HYDIN: variants seen among roughly 807,000 people sequenced by gnomAD.
HYDIN encodes HYDIN axonemal central pair apparatus protein.
A neutral mutation model predicts 403.9 loss-of-function variants in HYDIN; 132 were observed. The observed-to-expected ratio is 0.33, with a 90% CI of 0.28 to 0.38. The LOEUF (loss-of-function observed/expected upper bound fraction) is 0.38, where lower values mean the gene tolerates loss of function less well. HYDIN is among the 10% of genes least tolerant of loss of function. HYDIN has a pLI of 1.00. For missense variants in HYDIN, 2,827 were observed against 5,009.5 expected (o/e 0.56, Z 13.15); for synonymous variants, 1,202 against 1,891.7 (o/e 0.64, Z 9.46).
chr16:70,943,397 A>C (rs1264080937), intron 42 of HYDIN, among the ~76,000 whole-genome samples: 3 of 152,190 alleles, frequency 2.0e-5, no homozygotes, highest in African/African-American at 7.2e-5. Flanking sequence ...TGTAGTATAC[A>C]TTTCTAAATA....
intron 30 of HYDIN, among the ~76,000 whole-genome samples, chr16:70,978,458 T>C (rs1377360773): frequency 9.9e-5 from 15 of 150,876 alleles, no homozygotes; most frequent in Non-Finnish European, 2.2e-4. Context: ...CTTCCCAAAG[T>C]ACTGGGATTA....
chr16:70,862,128 C>A lies in HYDIN; in HGVS notation c.11697G>T (p.Val3899=). ...PFSVEPSSGI[V]PVGKIQKFKV... ...TGAACTTCTGAATCTTCCCCACCGG[C>A]ACGATTCCCGAAGAGGGCTCCACAG... is the stretch of plus-strand genomic sequence containing the variant. Residue 3899 remains valine (V), a synonymous_variant, in exon 69 of 86, where the codon GTG becomes GTT. Transcript: ENST00000393567. 6.2e-7 allele frequency: 1 copy of A among 1,612,110 alleles called. No individual in the cohort carries two copies. The highest frequency in any genetic ancestry group is 8.5e-7 in the Non-Finnish European group (1 of 1,179,202).
At chr16:71,133,964 C>T (rs2084813560) in intron 8 of HYDIN, among the ~76,000 whole-genome samples, 1 of 152,038 alleles carries the variant, frequency 6.6e-6, no homozygotes, top group South Asian at 2.1e-4. Flanking sequence ...ACGTCATTGC[C>T]CAAGTGTGTA....
chr16:70,833,187 C>T (rs2037135947), intron 79 of HYDIN, 120 bp from the exon 80 acceptor site: 1 of 839,072 alleles, frequency 1.2e-6, no homozygotes, highest in South Asian at 1.8e-5. Flanking sequence ...TCTATCCTAG[C>T]ACCTAGGAGG....
intron 12 of HYDIN, among the ~76,000 whole-genome samples, chr16:71,081,331 G>T (rs1056956358): frequency 1.3e-5 from 2 of 151,058 alleles, no homozygotes; most frequent in Non-Finnish European, 3.0e-5. Flanking sequence ...CAAGTTTCAG[G>T]TCTAACTTTC....
chr16:70,994,602 T>G (rs1215697614), intron 23 of HYDIN, among the ~76,000 whole-genome samples: 6 of 146,066 alleles, frequency 4.1e-5, no homozygotes, highest in African/African-American at 1.0e-4. Context: ...AAATAAAGAT[T>G]CCTGAACCTT....
Position 70,807,741 on chromosome 16 carries a change from C to T in HYDIN, c.15205G>A (p.Val5069Met). 2 of 1,614,164 alleles carry T rather than the reference C, an allele frequency of 1.2e-6. No individual in the cohort carries two copies. The highest frequency in any genetic ancestry group is 1.7e-6 in the Non-Finnish European group (2 of 1,180,036). Residue 5069 changes from valine to methionine, a missense_variant, in exon 86 of 86, where the codon GTG (valine) becomes ATG (methionine). Physicochemically the swap from Val to Met is conservative, Grantham distance 21. Coordinates refer to ENST00000393567, the MANE Select transcript of HYDIN (RefSeq NM_001270974.2). ...ATGTTGTTGATCTTCTTGGGCCGCA[C>T]AGACTCTCCAGCGCGAATGGTGAAG... ...PAFTIRAGES[V>M]RPKKINNITV...
chr16:70,821,774 C>T (rs2036280421), intron 83 of HYDIN, among the ~76,000 whole-genome samples: 1 of 151,732 alleles, frequency 6.6e-6, no homozygotes, highest in African/African-American at 2.4e-5. Flanking sequence ...ATCTTAAGGC[C>T]TTTAAGAATT....
chr16:71,077,752 T>C (rs544006229), intron 13 of HYDIN, among the ~76,000 whole-genome samples: 3 of 151,672 alleles, frequency 2.0e-5, no homozygotes, highest in Non-Finnish European at 4.4e-5. Context: ...GTCTAGAACA[T>C]AGCTAAACTA....
intron 75 of HYDIN, among the ~76,000 whole-genome samples, chr16:70,849,510 T>C (rs1360136049): frequency 6.6e-6 from 1 of 152,194 alleles, no homozygotes; most frequent in African/African-American, 2.4e-5. Flanking sequence ...GGTGAATGTA[T>C]TACAATATAA....
Position 70,809,871 on chromosome 16 carries a change from A to C in HYDIN, c.14795T>G (p.Val4932Gly), listed in dbSNP as rs374534223. The stretch of plus-strand genomic sequence containing the variant: ...GCTGCCAAGGACAGTCTGGAAGTGA[A>C]CAGGCTTTTCCGGAAGTGCTGGCGT... ...KATPALPEKPVHFQTVLGSSQ... is the reference protein window; with the variant it reads ...KATPALPEKPGHFQTVLGSSQ... Residue 4932 changes from valine (V) to glycine (G), a missense_variant, in exon 85 of 86, where the codon GTT becomes GGT. By Grantham distance (109) the Val-to-Gly change is moderately radical. Coordinates refer to ENST00000393567, the MANE Select transcript of HYDIN (RefSeq NM_001270974.2). The C allele has an allele frequency of 6.2e-7, 1 of 1,614,038 alleles. No homozygotes were observed. Among genetic ancestry groups the C allele is most frequent in the Non-Finnish European group, 8.5e-7 (1 of 1,180,024 alleles).
At chr16:71,187,112 G>A (rs574147753) in intron 1 of HYDIN, among the ~76,000 whole-genome samples, 194 bp from the exon 2 acceptor site, 1 of 151,938 alleles carries the variant, frequency 6.6e-6, no homozygotes, top group South Asian at 2.1e-4. Flanking sequence ...CCAAGATCTA[G>A]AATCTATTTT....
At chr16:70,902,821 A>ATATATATTTTTTTTTTTTTTTTTTTTTTT in intron 52 of HYDIN, among the ~76,000 whole-genome samples, 1 of 47,310 alleles carries the variant, frequency 2.1e-5, no homozygotes, top group Admixed American at 2.5e-4. Flanking sequence ...ATATATATAT[A>ATATATATTTTTTTTTTTTTTTTTTTTTTT]TTTTTTTTTT....
intron 13 of HYDIN, among the ~76,000 whole-genome samples, chr16:71,075,329 G>A (rs981008): frequency 0.39 from 57,169 of 147,640 alleles, 11,825 homozygotes; most frequent in East Asian, 0.57. Context: ...ATGAGGAACA[G>A]CTGTTGATTT....
chr16:70,904,744 C>T (rs942938107), intron 50 of HYDIN, among the ~76,000 whole-genome samples: 12 of 151,302 alleles, frequency 7.9e-5, no homozygotes, highest in South Asian at 6.3e-4. Context: ...TCAGATGATC[C>T]GCCTGCCTGG....
At chr16:70,844,145 T>C (rs2143555454) in intron 75 of HYDIN, among the ~76,000 whole-genome samples, 1 of 129,704 alleles carries the variant, frequency 7.7e-6, no homozygotes, top group South Asian at 2.2e-4. Flanking sequence ...TGGTAATGCC[T>C]AGGTTTTCTT....
chr16:71,056,537 A>G (rs1281407923), intron 18 of HYDIN, among the ~76,000 whole-genome samples: 3 of 152,032 alleles, frequency 2.0e-5, no homozygotes, highest in African/African-American at 7.2e-5. Context: ...GATAACAAAC[A>G]GCTGTTTCTT....
chr16:70,895,904 A>G (rs1597250543), intron 54 of HYDIN, 77 bp downstream of exon 54: 1 of 1,484,614 alleles, frequency 6.7e-7, no homozygotes, highest in East Asian at 2.3e-5. Context: ...ACAACACACT[A>G]GCCTTTCTCT....
intron 1 of HYDIN, among the ~76,000 whole-genome samples, chr16:71,189,452 A>G (rs1343793456): frequency 6.6e-6 from 1 of 152,170 alleles, no homozygotes; most frequent in Admixed American, 6.5e-5. Context: ...AGAGAAAACA[A>G]TTATTCCAAC....
Sources: allele counts gnomAD v4.1 joint callset (sites outside exome capture counted in the v4.1 genomes callset), GRCh38; gene constraint gnomAD v4.1.1; transcripts MANE v1.5; gene names NCBI Gene and HGNC (gene_info 2026-07-23, HGNC 2026-07-21).